Variants in SET observed in about 807,000 individuals in gnomAD.
SET encodes SET nuclear proto-oncogene.
A neutral mutation model predicts 39.0 loss-of-function variants in SET; 4 were observed. The ratio of observed to expected loss-of-function variants is 0.10; its 90% CI spans 0.05 to 0.23. The LOEUF is 0.23. Among genes scored for constraint, SET ranks in the 10% least tolerant of loss-of-function variants. The probability of loss-of-function intolerance (pLI) is 1.00; values close to 1 mark genes in which losing one functional copy is unlikely to be tolerated. For missense variants in SET, 137 were observed against 329.7 expected (o/e 0.42, Z 4.53); for synonymous variants, 114 against 115.9 (o/e 0.98, Z 0.11).
At chr9:128,686,319 T>G (rs1861284434), upstream of SET, among the ~76,000 whole-genome samples, 1 of 151,388 alleles carries the variant, frequency 6.6e-6, no homozygotes, top group Non-Finnish European at 1.5e-5. Flanking sequence ...GGCAGGGAGG[T>G]GGCAGGGAGG....
At chr9:128,688,911 C>G (rs1250885367), upstream of SET, among the ~76,000 whole-genome samples, 1 of 151,972 alleles carries the variant, frequency 6.6e-6, no homozygotes, top group Non-Finnish European at 1.5e-5. Context: ...AGCAGGGAAG[C>G]CGCTCGCTCA....
chr9:128,689,418 G>A lies in SET; in HGVS notation c.-165G>A. Reference sequence around the variant, plus strand: ...CTCGGCGTCAGGCCGCGAGGGTAGCGCGCGCGAGCGAGCGAGGGGGAGGGA... The same window carrying A: ...CTCGGCGTCAGGCCGCGAGGGTAGCACGCGCGAGCGAGCGAGGGGGAGGGA... On this transcript the variant is annotated 5_prime_UTR_variant, in exon 1 of 8. Transcript: ENST00000322030. The A allele has an allele frequency of 1.4e-6, 1 of 733,810 alleles. No homozygotes were observed. The highest frequency in any genetic ancestry group is 1.8e-6 in the Non-Finnish European group (1 of 566,124). The allele number at this position is 733,810 out of a possible 1,614,324, so 45.5% of individuals were successfully genotyped here. A position where few individuals can be genotyped will look rare whatever the true frequency, so the allele number is the denominator to read the frequency against.
chr9:128,689,168 G>A, upstream of SET: 3 of 706,560 alleles, frequency 4.2e-6, no homozygotes, highest in South Asian at 1.9e-4. Flanking sequence ...GAGCCTCCCC[G>A]GCCGGAGGCG....
At position 128,689,316 on chromosome 9, in the gene SET, C is replaced by CCCGCCG. The variant is rs918097595; in HGVS notation, c.-258_-253dup. 2.6e-4 allele frequency: 273 copies of CCCGCCG among 1,030,504 alleles called. No individual in the cohort carries two copies. Among genetic ancestry groups the CCCGCCG allele is most frequent in the South Asian group, 1.6e-3 (36 of 22,534 alleles). 63.8% of individuals were successfully genotyped at this position (1,030,504 alleles called of 1,614,324 possible). A position where few individuals can be genotyped will look rare whatever the true frequency, so the allele number is the denominator to read the frequency against. ...GAGCGCGAGTGAGGGAGCCGAGCCG[C>CCCGCCG]CCGCCGCCGCCGCCTCCGCCTCCCC... On this transcript the variant is annotated 5_prime_UTR_variant, in exon 1 of 8. Transcript: ENST00000322030.
In SET at chr9:128,695,268, T is replaced by G. The variant is rs1174992713; in HGVS notation, c.*604T>G. The G allele has an allele frequency of 4.5e-6, 1 of 222,640 alleles. No individual in the cohort carries two copies. The highest frequency in any genetic ancestry group is 9.1e-6 in the Non-Finnish European group (1 of 109,340). The allele number at this position is 222,640 out of a possible 1,614,324, so 13.8% of individuals were successfully genotyped here. On this transcript the variant is annotated 3_prime_UTR_variant, in exon 8 of 8. Coordinates refer to ENST00000322030, the MANE Select transcript of SET (RefSeq NM_003011.4). ...GCTTCTCCTTTGGCATGTTTAATTG[T>G]GATATTTGACAGACATCCTTGCAGT...
intron 3 of SET, 96 bp from the exon 4 acceptor site, chr9:128,692,566 G>A: frequency 1.3e-6 from 1 of 771,354 alleles, no homozygotes; most frequent in Non-Finnish European, 2.3e-6. Context: ...AACCAAAGAT[G>A]CTCACTAAGT....
chr9:128,694,068 C>CA lies in SET; in HGVS notation c.810+29dup, dbSNP rs752321206. 6 of 1,481,050 alleles carry CA rather than the reference C, an allele frequency of 4.1e-6. No homozygotes were observed. The South Asian group carries it at 7.7e-5, about 19-fold the overall frequency. 91.7% of individuals were successfully genotyped at this position (1,481,050 alleles called of 1,614,324 possible). ...GTAAAAGAAAATTTGGCTAAACCCA[C>CA]AAAGATAACTTTTAAAGAATTCATG... On this transcript the variant is annotated intron_variant, in intron 7 of 7. Transcript: ENST00000322030.
At chr9:128,688,947 C>A (rs1018333344), upstream of SET, among the ~76,000 whole-genome samples, 30 of 151,764 alleles carry the variant, frequency 2.0e-4, no homozygotes, top group Non-Finnish European at 3.4e-4. Context: ...GCCGGGGGCA[C>A]CCGCGCCTCC....
rs1005218533 is a variant in SET at position 128,692,854 on chromosome 9, A to G, written c.379-14A>G. 1 of 1,532,812 alleles carries G rather than the reference A, an allele frequency of 6.5e-7. No homozygotes were observed. Among genetic ancestry groups the G allele is most frequent in the Non-Finnish European group, 9.0e-7 (1 of 1,109,152 alleles). The allele number at this position is 1,532,812 out of a possible 1,614,324, so 95.0% of individuals were successfully genotyped here. A position where few individuals can be genotyped will look rare whatever the true frequency, so the allele number is the denominator to read the frequency against. On this transcript the variant is annotated splice_polypyrimidine_tract_variant and intron_variant, in intron 4 of 7. Coordinates refer to ENST00000322030, the MANE Select transcript of SET (RefSeq NM_003011.4). ...ACCTGTTCATATTTCTAATCTTTCAATTATTTATTACAGTATTTTGATGAA... is the reference window on the plus strand; with the variant it reads ...ACCTGTTCATATTTCTAATCTTTCAGTTATTTATTACAGTATTTTGATGAA...
exon 1 of SET, chr9:128,683,915 C>G (rs1861199075): frequency 1.9e-6 from 3 of 1,553,094 alleles, no homozygotes; most frequent in Non-Finnish European, 2.6e-6. Flanking sequence ...AAACGCCAGT[C>G]TCCACTCCCG....
upstream of SET, chr9:128,684,956 T>C: frequency 7.9e-7 from 1 of 1,271,268 alleles, no homozygotes. Context: ...AGTTGACTGT[T>C]CTGGTGACTA....
chr9:128,694,731 A>G lies in SET; in HGVS notation c.*67A>G. On this transcript the variant is annotated 3_prime_UTR_variant, in exon 8 of 8. Transcript: ENST00000322030. ...TCTCCAGTCCCTGGGAGCAAGTTGC[A>G]GTCTTTTTTTTTTTTTTTTTTTTTT... is the stretch of plus-strand genomic sequence containing the variant. 1 of 592,356 alleles carries G rather than the reference A, an allele frequency of 1.7e-6. No homozygotes were observed. The highest frequency in any genetic ancestry group is 2.8e-6 in the Non-Finnish European group (1 of 363,434). 36.7% of individuals were successfully genotyped at this position (592,356 alleles called of 1,614,324 possible).
upstream of SET, among the ~76,000 whole-genome samples, chr9:128,686,772 G>C (rs541409809): frequency 6.6e-6 from 1 of 152,074 alleles, no homozygotes; most frequent in African/African-American, 2.4e-5. Flanking sequence ...AGGAGTTTGA[G>C]ACCAGCCTGG....
upstream of SET, chr9:128,685,046 G>T: frequency 6.7e-7 from 1 of 1,497,070 alleles, no homozygotes; most frequent in East Asian, 2.5e-5. Context: ...AAGGAAACGG[G>T]AAGCTTTGAT....
At chr9:128,684,448 ACCT>A (rs1861221675), upstream of SET, among the ~76,000 whole-genome samples, 1 of 151,402 alleles carries the variant, frequency 6.6e-6, no homozygotes, top group South Asian at 2.1e-4. Context: ...AATCTCTGCC[ACCT>A]CCTCATCTTG....
chr9:128,694,529 C>G, intron 7 of SET, 112 bp from the exon 8 acceptor site: 1 of 632,660 alleles, frequency 1.6e-6, no homozygotes, highest in Non-Finnish European at 2.8e-6. Context: ...AGCTGACTTA[C>G]AGGTTTAGAA....
In SET at chr9:128,695,057, A is replaced by G. The variant is rs538977146; in HGVS notation, c.*393A>G. ...AGCTTTTTTCCTCCTTTCTCTGTAT[A>G]TTGGGCTCAGAGAGTACACTGTGTC... On this transcript the variant is annotated 3_prime_UTR_variant, in exon 8 of 8. Coordinates refer to ENST00000322030, the MANE Select transcript of SET (RefSeq NM_003011.4). The G allele has an allele frequency of 2.6e-5, 6 of 233,096 alleles. No individual in the cohort carries two copies. The East Asian group carries it at 3.1e-4, about 12-fold the overall frequency. The allele number at this position is 233,096 out of a possible 1,614,324, so 14.4% of individuals were successfully genotyped here.
upstream of SET, chr9:128,685,229 C>T (rs1192887634): frequency 6.3e-7 from 1 of 1,589,400 alleles, no homozygotes; most frequent in Non-Finnish European, 8.6e-7. Context: ...CCACATAAAA[C>T]AACTTGTGCT....
Position 128,693,826 on chromosome 9 carries a change from T to C in SET, c.663+18T>C. 1.2e-6 allele frequency: 2 copies of C among 1,610,588 alleles called. No homozygotes were observed. Among genetic ancestry groups the C allele is most frequent in the Non-Finnish European group, 1.7e-6 (2 of 1,178,858 alleles). On this transcript the variant is annotated intron_variant, in intron 6 of 7. Transcript: ENST00000322030. ...ACTACTTGGTGAGTTCTAATACTCATTTATTCAAGGTTGGACTTGTCTCGG... is the reference window on the plus strand; with the variant it reads ...ACTACTTGGTGAGTTCTAATACTCACTTATTCAAGGTTGGACTTGTCTCGG...
Sources: allele counts gnomAD v4.1 joint callset (sites outside exome capture counted in the v4.1 genomes callset), GRCh38; gene constraint gnomAD v4.1.1; transcripts MANE v1.5; gene names NCBI Gene and HGNC (gene_info 2026-07-23, HGNC 2026-07-21).